The following PDCD6 variants were observed in gnomAD, a reference collection of about 807,000 sequenced individuals.
PDCD6 encodes programmed cell death protein 6.
In PDCD6, 12 loss-of-function variants were observed where a neutral mutation model predicts 28.3. The ratio of observed to expected loss-of-function variants is 0.42; its 90% confidence interval spans 0.27 to 0.69. The LOEUF (loss-of-function observed/expected upper bound fraction) is 0.69, where lower values mean the gene tolerates loss of function less well. Ranked by LOEUF, PDCD6 falls within the 30% of genes least tolerant of loss-of-function variation. PDCD6 has a pLI of 0.22. For missense variants in PDCD6, 226 were observed against 269.9 expected (o/e 0.84, Z 1.14); for synonymous variants, 92 against 108.0 (o/e 0.85, Z 0.92).
chr5:287,293 G>C (rs10062362), intron 2 of PDCD6, among the ~76,000 whole-genome samples: 1 of 151,916 alleles, frequency 6.6e-6, no homozygotes, highest in South Asian at 2.1e-4. Context: ...TCTGAAGTTC[G>C]TGGAGCTAAA....
rs113326315 is a variant in PDCD6 at position 279,254 on chromosome 5, A to G, written c.163+6482A>G. On this transcript the variant is annotated intron_variant, in intron 2 of 5. Coordinates refer to ENST00000264933, the MANE Select transcript of PDCD6 (RefSeq NM_013232.4). The stretch of plus-strand genomic sequence containing the variant: ...CTTGCCAGGGCCGGAGGGAGGGTGG[A>G]TGGACTTATAGGTGTTGCTTGTGGC... Among the ~76,000 whole-genome samples, 846 of 152,038 alleles carry G rather than the reference A, an allele frequency of 5.6e-3. 3 individuals carry two copies. The highest frequency in any genetic ancestry group is 0.02 in the African/African-American group (819 of 41,420).
At chr5:275,831 G>A (rs1251836227) in intron 2 of PDCD6, among the ~76,000 whole-genome samples, 6 of 152,308 alleles carry the variant, frequency 3.9e-5, no homozygotes, top group African/African-American at 1.4e-4. Context: ...TTTCTGTTGT[G>A]TTCTGTGGTG....
chr5:279,594 A>G (rs879578889), intron 2 of PDCD6, among the ~76,000 whole-genome samples: 14 of 152,070 alleles, frequency 9.2e-5, no homozygotes, highest in South Asian at 6.2e-4. Flanking sequence ...TCATCCCAGC[A>G]ACAGGGAAGG....
intron 2 of PDCD6, among the ~76,000 whole-genome samples, chr5:294,035 C>T (rs1398644051): frequency 6.7e-6 from 1 of 148,742 alleles, no homozygotes; most frequent in African/African-American, 2.6e-5. Flanking sequence ...ATGGCCATGG[C>T]TGACACAAAA....
rs1383111063 is a variant in PDCD6 at position 307,958 on chromosome 5, T to G, written c.367+1198T>G. Among the ~76,000 whole-genome samples the G allele has an allele frequency of 1.3e-5, 2 of 152,094 alleles. No homozygotes were observed. Among genetic ancestry groups the G allele is most frequent in the Non-Finnish European group, 2.9e-5 (2 of 68,024 alleles). ...AGGATTTGGGCTGGATGGCTCTGAA[T>G]TGGTACTTGGAATGCAGCTGACCTT... is the stretch of plus-strand genomic sequence containing the variant. On this transcript the variant is annotated intron_variant, in intron 4 of 5. Coordinates refer to ENST00000264933, the MANE Select transcript of PDCD6 (RefSeq NM_013232.4). This position sits in a 1 kb window ranked among gnomAD's most constrained non-coding sequence, Gnocchi z 6.1.
rs866118156 is a variant in PDCD6, at chr5:282,275, G to T, written c.163+9503G>T. Among the ~76,000 whole-genome samples, 21 of 104,710 alleles carry T rather than the reference G, an allele frequency of 2.0e-4. 1 individual carries two copies. The highest frequency in any genetic ancestry group is 8.6e-4 in the Admixed American group (9 of 10,426). 68.7% of individuals were successfully genotyped at this position (104,710 alleles called of 152,430 possible). A position where few individuals can be genotyped will look rare whatever the true frequency, so the allele number is the denominator to read the frequency against. On this transcript the variant is annotated intron_variant, in intron 2 of 5. Coordinates refer to ENST00000264933, the MANE Select transcript of PDCD6 (RefSeq NM_013232.4). ...AAGGGTGGTGCAGCGGAAAAATCGG[G>T]GGGGGGGGAGCTGATGTTGTTCGCG...
At chr5:279,783 CAAA>C (rs35224887) in intron 2 of PDCD6, among the ~76,000 whole-genome samples, 10,574 of 75,358 alleles carry the variant, frequency 0.14, 432 homozygotes, top group African/African-American at 0.17. Context: ...AAAGTAATGG[CAAA>C]AAAAAAAAAA....
intron 4 of PDCD6, chr5:308,740 G>C (rs1226400584): frequency 6.6e-6 from 1 of 152,236 alleles, no homozygotes; most frequent in Non-Finnish European, 1.5e-5. Flanking sequence ...TTGGTGGCCA[G>C]CAGGAGGGAA....
intron 2 of PDCD6, 33 bp downstream of exon 2, chr5:272,805 C>A (rs1684902660): frequency 6.4e-7 from 1 of 1,555,988 alleles, no homozygotes; most frequent in Middle Eastern, 1.7e-4. Flanking sequence ...GGTCTCCGGA[C>A]CAAGAAGCCG....
chr5:289,902 T>A, intron 2 of PDCD6: 1 of 1,508,928 alleles, frequency 6.6e-7, no homozygotes, highest in Non-Finnish European at 9.2e-7. Context: ...TGGAATTGTT[T>A]TTCTCTGAAG....
At chr5:303,633 C>T (rs1236550788) in intron 2 of PDCD6, among the ~76,000 whole-genome samples, 1 of 151,712 alleles carries the variant, frequency 6.6e-6, no homozygotes, top group Non-Finnish European at 1.5e-5. Context: ...GATGTCTTCA[C>T]CGTGCTTTAG....
intron 2 of PDCD6, among the ~76,000 whole-genome samples, chr5:292,638 C>T (rs1185216670): frequency 6.6e-6 from 1 of 152,130 alleles, no homozygotes; most frequent in Admixed American, 6.5e-5. Context: ...GGTTTGAATC[C>T]ACCAGGATAA....
rs1041392277 is a variant in PDCD6 at position 307,575 on chromosome 5, G to T, written c.367+815G>T. 1.3e-5 allele frequency among the ~76,000 whole-genome samples: 2 copies of T among 152,198 alleles called. No individual in the cohort carries two copies. The highest frequency in any genetic ancestry group is 3.9e-4 in the East Asian group (2 of 5,184). ...CTCTCAGGGCTGAGAGGAAGCAGGG[G>T]TTTTATTTACAGAGGAACAACGGGC... On this transcript the variant is annotated intron_variant, in intron 4 of 5. Coordinates refer to ENST00000264933, the MANE Select transcript of PDCD6 (RefSeq NM_013232.4). The surrounding 1 kb of genome is among the most constrained non-coding windows in gnomAD (Gnocchi z 6.1).
chr5:283,012 C>T (rs893116652), intron 2 of PDCD6, among the ~76,000 whole-genome samples: 1 of 150,884 alleles, frequency 6.6e-6, no homozygotes, highest in Non-Finnish European at 1.5e-5. Context: ...GATTGAGCAT[C>T]GTACAGCTGA....
chr5:274,021 C>G (rs183319861), intron 2 of PDCD6, among the ~76,000 whole-genome samples: 1 of 151,532 alleles, frequency 6.6e-6, no homozygotes, highest in African/African-American at 2.4e-5. Context: ...CAAGAGAACC[C>G]GGAATCCAGT....
At chr5:288,311 T>TATATAATATATATATATATATATATATAC (rs34574011) in intron 2 of PDCD6, among the ~76,000 whole-genome samples, 2 of 144,958 alleles carry the variant, frequency 1.4e-5, no homozygotes, top group African/African-American at 5.0e-5. Context: ...TATATATATA[T>TATATAATATATATATATATATATATATAC]ACACATATGT....
chr5:314,557 A>G lies in PDCD6; in HGVS notation c.*42A>G. The G allele has an allele frequency of 7.4e-7, 1 of 1,349,790 alleles. No individual in the cohort carries two copies. The highest frequency in any genetic ancestry group is 1.1e-6 in the Non-Finnish European group (1 of 940,146). The allele number at this position is 1,349,790 out of a possible 1,614,324, so 83.6% of individuals were successfully genotyped here. On this transcript the variant is annotated 3_prime_UTR_variant, in exon 6 of 6. Coordinates refer to ENST00000264933, the MANE Select transcript of PDCD6 (RefSeq NM_013232.4). ...AGAGCAGCACAACATGGAAAGAGCC[A>G]AAATGTCACAGTTCCTATCTGTGAG...
At chr5:303,128 G>A (rs778135260) in intron 2 of PDCD6, among the ~76,000 whole-genome samples, 3 of 152,072 alleles carry the variant, frequency 2.0e-5, no homozygotes, top group Non-Finnish European at 4.4e-5. Context: ...AGGTGAGAGC[G>A]GGCATGGCAC....
chr5:306,746 C>T lies in PDCD6; in HGVS notation c.353C>T (p.Ala118Val). Residue 118 changes from alanine to valine, a missense_variant, in exon 4 of 6, where the codon GCC becomes GTC. By Grantham distance (64) the Ala-to-Val change is moderately conservative. Transcript: ENST00000264933. ...ATCGATAAGAACGAGCTGAAGCAGG[C>T]CCTCTCAGGTTTCGGTAACTCACTC... Reference protein sequence around the residue: ...GMIDKNELKQALSGFGYRLSD... With the variant: ...GMIDKNELKQVLSGFGYRLSD... 6.2e-7 allele frequency: 1 copy of T among 1,613,832 alleles called. No homozygotes were observed. The highest frequency in any genetic ancestry group is 1.3e-5 in the African/African-American group (1 of 75,050).
Sources: allele counts gnomAD v4.1 joint callset (sites outside exome capture counted in the v4.1 genomes callset), GRCh38; gene constraint gnomAD v4.1.1; non-coding constraint Gnocchi (gnomAD v3.1); transcripts MANE v1.5; gene names NCBI Gene and HGNC (gene_info 2026-07-23, HGNC 2026-07-21).